KIF1C: variants seen among roughly 807,000 people sequenced by gnomAD.
The protein encoded by KIF1C is kinesin family member 1C, also known as kinesin-like protein KIF1C.
Under a neutral mutation model 126.5 loss-of-function variants are expected in KIF1C, and 61 were observed. That is an observed-to-expected ratio of 0.48 (90% CI 0.39 to 0.60). KIF1C has a LOEUF of 0.60. Among genes scored for constraint, KIF1C ranks in the 20% least tolerant of loss-of-function variants. The probability of loss-of-function intolerance (pLI) is 0.00; values close to 1 mark genes in which losing one functional copy is unlikely to be tolerated. For synonymous variants in KIF1C, 640 were observed against 580.6 expected, an observed-to-expected ratio of 1.10 and a Z score of -1.47; for missense variants, 1,315 against 1,489.2, an observed-to-expected ratio of 0.88 and a Z score of 1.93.
rs1975135302 is a variant in KIF1C, at chr17:5,023,505, C to T, written c.2666C>T (p.Pro889Leu). The change falls in exon 23 of 23, where the codon CCC becomes CTC. Residue 889 changes from proline to leucine, a missense_variant. Transcript: ENST00000320785. This position sits in a 1 kb window ranked among gnomAD's most constrained non-coding sequence, Gnocchi z 4.2. ...GAGAATGAAGAAGGTGGTGAGGTCCCCTGGGCCCCGCCTGAAGGATCAGAG... is the reference window on the plus strand; with the variant it reads ...GAGAATGAAGAAGGTGGTGAGGTCCTCTGGGCCCCGCCTGAAGGATCAGAG... ...EDENEEGGEV[P>L]WAPPEGSEAA... 1.2e-6 allele frequency: 2 copies of T among 1,613,944 alleles called. No homozygotes were observed. Among genetic ancestry groups the T allele is most frequent in the Non-Finnish European group, 1.7e-6 (2 of 1,180,008 alleles).
At chr17:5,005,443 C>T (rs981064032) in intron 13 of KIF1C, among the ~76,000 whole-genome samples, 1 of 152,098 alleles carries the variant, frequency 6.6e-6, no homozygotes, top group African/African-American at 2.4e-5. Flanking sequence ...GAAATAGTGT[C>T]CAAATCAGAG....
rs893108161 is a variant in KIF1C at position 5,025,299 on chromosome 17, T to G, written c.*1148T>G. 4 of 152,294 alleles carry G rather than the reference T, an allele frequency of 2.6e-5. No homozygotes were observed. The highest frequency in any genetic ancestry group is 9.7e-5 in the African/African-American group (4 of 41,432). The allele number at this position is 152,294 out of a possible 1,614,324, so 9.4% of individuals were successfully genotyped here. ...AGAGGGACCGCCAGCCTGTCAATGC[T>G]TAACTGGCTGTTGCTGACAGATACA... On this transcript the variant is annotated 3_prime_UTR_variant, in exon 23 of 23. Coordinates refer to ENST00000320785, the MANE Select transcript of KIF1C (RefSeq NM_006612.6).
Position 5,025,086 on chromosome 17 carries a change from G to GTC in KIF1C, c.*938_*939dup, listed in dbSNP as rs1975186690. 1 of 151,962 alleles carries GTC rather than the reference G, an allele frequency of 6.6e-6. No individual in the cohort carries two copies. The highest frequency in any genetic ancestry group is 2.4e-5 in the African/African-American group (1 of 41,330). The allele number at this position is 151,962 out of a possible 1,614,324, so 9.4% of individuals were successfully genotyped here. A position where few individuals can be genotyped will look rare whatever the true frequency, so the allele number is the denominator to read the frequency against. On this transcript the variant is annotated 3_prime_UTR_variant, in exon 23 of 23. Transcript: ENST00000320785. ...AGGTTTCACCATATTGGCCAGGCTG[G>GTC]TCTCGAACTCCTGATGACCTCAAGT... is the stretch of plus-strand genomic sequence containing the variant.
At position 5,023,638 on chromosome 17, in the gene KIF1C, C is replaced by A. The variant is rs548392588; in HGVS notation, c.2799C>A (p.Ala933=). The part of the protein sequence containing the change: ...RVSRLMEEDP[A]FRRGRLRWLK... ...CACGGCTCATGGAGGAGGACCCTGCCTTCCGTCGTGGTCGTCTTCGCTGGC... is the reference window on the plus strand; with the variant it reads ...CACGGCTCATGGAGGAGGACCCTGCATTCCGTCGTGGTCGTCTTCGCTGGC... The change falls in exon 23 of 23, where the codon GCC becomes GCA. Residue 933 remains alanine, a synonymous_variant. Coordinates refer to ENST00000320785, the MANE Select transcript of KIF1C (RefSeq NM_006612.6). The surrounding 1 kb of genome is among the most constrained non-coding windows in gnomAD (Gnocchi z 4.2). 1.9e-5 allele frequency: 31 copies of A among 1,613,280 alleles called. No homozygotes were observed. The East Asian group carries it at 6.9e-4, about 36-fold the overall frequency.
At chr17:5,018,846 AC>A (rs1269742426) in intron 18 of KIF1C, among the ~76,000 whole-genome samples, 1 of 152,196 alleles carries the variant, frequency 6.6e-6, no homozygotes, top group African/African-American at 2.4e-5. Context: ...TATTTCTGAG[AC>A]CTAGTAAAAT....
In KIF1C at chr17:5,022,008, A is replaced by G; in HGVS notation, c.2011-84A>G. On this transcript the variant is annotated intron_variant, in intron 21 of 22. Transcript: ENST00000320785. This position sits in a 1 kb window ranked among gnomAD's most constrained non-coding sequence, Gnocchi z 4.9. ...CAGGCTCCCTGATGGGCGTGTTTCCAGTGTACTTAGGACACACTGGGCCAA... is the reference window on the plus strand; with the variant it reads ...CAGGCTCCCTGATGGGCGTGTTTCCGGTGTACTTAGGACACACTGGGCCAA... 8 of 1,445,856 alleles carry G rather than the reference A, an allele frequency of 5.5e-6. No individual in the cohort carries two copies. Among genetic ancestry groups the G allele is most frequent in the Non-Finnish European group, 7.4e-6 (8 of 1,081,042 alleles). The allele number at this position is 1,445,856 out of a possible 1,614,324, so 89.6% of individuals were successfully genotyped here. A position where few individuals can be genotyped will look rare whatever the true frequency, so the allele number is the denominator to read the frequency against.
chr17:5,024,140 GC>G lies in KIF1C; in HGVS notation c.3302del (p.Ala1101GlufsTer18), dbSNP rs375445356. The G allele has an allele frequency of 1.2e-5, 20 of 1,609,078 alleles. 1 individual carries two copies. In the African/African-American group the frequency reaches 2.7e-4, roughly 22 times the overall value. Reference protein sequence around the residue: ...RSAPDLKESGAAV With the variant: ...RSAPDLKESGXAV The stretch of plus-strand genomic sequence containing the variant: ...TGCCCCTGACCTCAAGGAGAGTGGG[GC>G]AGCTGTGTGAGTCCCACATCCTGGG... On this transcript the variant is annotated frameshift_variant, in exon 23 of 23. Coordinates refer to ENST00000320785, the MANE Select transcript of KIF1C (RefSeq NM_006612.6). LOFTEE classifies it high-confidence loss of function.
chr17:5,006,321 C>A (rs150263414), intron 13 of KIF1C, among the ~76,000 whole-genome samples: 1 of 151,528 alleles, frequency 6.6e-6, no homozygotes, highest in African/African-American at 2.4e-5. Context: ...AGGTATGAGC[C>A]ACTGTGTCCG....
At chr17:5,015,581 G>GTTTTTT in intron 18 of KIF1C, among the ~76,000 whole-genome samples, 1 of 82,052 alleles carries the variant, frequency 1.2e-5, no homozygotes, top group African/African-American at 4.3e-5. Context: ...ACTGCCCCCA[G>GTTTTTT]CTTTTTTTTT....
chr17:5,023,719 G>C lies in KIF1C; in HGVS notation c.2880G>C (p.Gly960=), dbSNP rs745500623. Residue 960 remains glycine (G), a synonymous_variant, in exon 23 of 23, where the codon GGG becomes GGC. Coordinates refer to ENST00000320785, the MANE Select transcript of KIF1C (RefSeq NM_006612.6). The surrounding 1 kb of genome is among the most constrained non-coding windows in gnomAD (Gnocchi z 4.2). ...TGCAGGGCTCTGGGGGCCGGGGCGG[G>C]GGGCTGCGCAGGCCCCCAGCCCGCT... ...QGLQGSGGRG[G]GLRRPPARFV... 6.5e-7 allele frequency: 1 copy of C among 1,545,262 alleles called. No homozygotes were observed. Among genetic ancestry groups the C allele is most frequent in the South Asian group, 1.2e-5 (1 of 80,858 alleles).
At chr17:5,010,708 C>G (rs1274073493) in intron 16 of KIF1C, among the ~76,000 whole-genome samples, 2 of 151,398 alleles carry the variant, frequency 1.3e-5, no homozygotes, top group African/African-American at 4.9e-5. Context: ...GATCATGCCA[C>G]TGCACTCCAG....
At chr17:5,004,402 C>T (rs1974676508) in intron 11 of KIF1C, among the ~76,000 whole-genome samples, 165 bp from the exon 12 acceptor site, 1 of 152,222 alleles carries the variant, frequency 6.6e-6, no homozygotes, top group African/African-American at 2.4e-5. Flanking sequence ...CTCATCCCCT[C>T]CCATAACCAG....
intron 11 of KIF1C, 79 bp downstream of exon 11, chr17:5,004,152 C>G (rs991892655): frequency 1.9e-6 from 2 of 1,045,468 alleles, no homozygotes; most frequent in Non-Finnish European, 3.0e-6. Context: ...AATCCCCTTG[C>G]TATGCCGAGA....
chr17:5,010,087 G>A (rs200046745), intron 16 of KIF1C, among the ~76,000 whole-genome samples: 1 of 151,814 alleles, frequency 6.6e-6, no homozygotes, highest in Non-Finnish European at 1.5e-5. Context: ...CCACCACGCC[G>A]GGCTAATTTT....
At chr17:5,000,426 G>A in intron 3 of KIF1C, 74 bp downstream of exon 3, 4 of 1,027,100 alleles carry the variant, frequency 3.9e-6, no homozygotes, top group South Asian at 2.7e-5. Context: ...AGTCCCGCTG[G>A]GCCAAACTAA....
rs774623292 is a variant in KIF1C at position 5,003,901 on chromosome 17, G to C, written c.849G>C (p.Ser283=). 1 of 1,613,866 alleles carries C rather than the reference G, an allele frequency of 6.2e-7. No individual in the cohort carries two copies. Among genetic ancestry groups the C allele is most frequent in the Non-Finnish European group, 8.5e-7 (1 of 1,179,916 alleles). The change falls in exon 10 of 23, where the codon TCG becomes TCC. Residue 283 remains serine (S), a synonymous_variant. Transcript: ENST00000320785. Reference sequence around the variant, plus strand: ...TGACTACACTAGGGAAAGTGATCTCGGCCCTTGCAGATATGGTGAGACCTG... The same window carrying C: ...TGACTACACTAGGGAAAGTGATCTCCGCCCTTGCAGATATGGTGAGACCTG... ...KSLTTLGKVI[S]ALADMQSKKR...
At position 5,004,841 on chromosome 17, in the gene KIF1C, C is replaced by T; in HGVS notation, c.1020-14C>T. 6.2e-7 allele frequency: 1 copy of T among 1,614,164 alleles called. No individual in the cohort carries two copies. The highest frequency in any genetic ancestry group is 8.5e-7 in the Non-Finnish European group (1 of 1,180,030). On this transcript the variant is annotated splice_polypyrimidine_tract_variant and intron_variant, in intron 12 of 22. Transcript: ENST00000320785. The stretch of plus-strand genomic sequence containing the variant: ...GCCCCCAGGCCTCACCGACCCTGCT[C>T]CTCTGTCACCCAGGTATGCTGACCG...
chr17:4,998,622 T>A (rs1488318460), intron 1 of KIF1C, among the ~76,000 whole-genome samples: 1 of 152,128 alleles, frequency 6.6e-6, no homozygotes, highest in Admixed American at 6.5e-5. Flanking sequence ...TGTCCTTCCC[T>A]CCCCTGGTCA....
Position 4,999,879 on chromosome 17 carries a change from C to T in KIF1C, c.-119C>T, listed in dbSNP as rs751406693. On this transcript the variant is annotated 5_prime_UTR_variant, in exon 2 of 23. Coordinates refer to ENST00000320785, the MANE Select transcript of KIF1C (RefSeq NM_006612.6). ...TCTCCCAGAGCCCCAGCTGGTGTGGCCAGGCCCCAGGAGTAGGATGGGGCT... is the reference window on the plus strand; with the variant it reads ...TCTCCCAGAGCCCCAGCTGGTGTGGTCAGGCCCCAGGAGTAGGATGGGGCT... The T allele has an allele frequency of 7.1e-5, 17 of 237,904 alleles. No individual in the cohort carries two copies. Among genetic ancestry groups the T allele is most frequent in the Non-Finnish European group, 1.3e-4 (16 of 119,782 alleles). 14.7% of individuals were successfully genotyped at this position (237,904 alleles called of 1,614,324 possible).
Sources: allele counts gnomAD v4.1 joint callset (sites outside exome capture counted in the v4.1 genomes callset), GRCh38; gene constraint gnomAD v4.1.1; non-coding constraint Gnocchi (gnomAD v3.1); transcripts MANE v1.5; gene names NCBI Gene and HGNC (gene_info 2026-07-23, HGNC 2026-07-21).